SAMMSON: variants seen among roughly 807,000 people sequenced by gnomAD.
The protein encoded by SAMMSON is survival associated mitochondrial melanoma specific oncogenic non-coding RNA.
intron 3 of SAMMSON, among the ~76,000 whole-genome samples, chr3:70,024,085 A>G (rs551586746): frequency 3.9e-5 from 6 of 152,192 alleles, no homozygotes; most frequent in African/African-American, 7.2e-5. Context: ...GGTCTACGCA[A>G]TTCTGCCTGG....
chr3:70,161,641 T>C (rs1044462379), intron 4 of SAMMSON, among the ~76,000 whole-genome samples: 4 of 151,886 alleles, frequency 2.6e-5, no homozygotes, highest in Admixed American at 2.6e-4. Context: ...TTTGATGATG[T>C]ATTTGTTTGA....
chr3:70,044,011 T>C (rs1230717716), intron 3 of SAMMSON, among the ~76,000 whole-genome samples: 1 of 152,112 alleles, frequency 6.6e-6, no homozygotes, highest in Non-Finnish European at 1.5e-5. Context: ...GCAAAATATA[T>C]ATAAATCTTG....
intron 7 of SAMMSON, among the ~76,000 whole-genome samples, chr3:70,318,317 C>G (rs1291180434): frequency 6.6e-6 from 1 of 151,878 alleles, no homozygotes; most frequent in Admixed American, 6.6e-5. Context: ...TCCCCAGTCC[C>G]TTTTCTCTGT....
intron 2 of SAMMSON, among the ~76,000 whole-genome samples, chr3:70,421,727 C>G (rs1283154048): frequency 1.3e-5 from 2 of 152,098 alleles, no homozygotes; most frequent in South Asian, 4.1e-4. Flanking sequence ...TGAAAATTAT[C>G]TTCATCAGTG....
chr3:70,133,527 A>T (rs987204576), intron 4 of SAMMSON, among the ~76,000 whole-genome samples: 2 of 152,152 alleles, frequency 1.3e-5, no homozygotes, highest in Non-Finnish European at 2.9e-5. Context: ...GATTGAGCCC[A>T]AAGGGAGGTT....
At chr3:70,423,690 C>T (rs1701331310) in intron 2 of SAMMSON, among the ~76,000 whole-genome samples, 1 of 152,136 alleles carries the variant, frequency 6.6e-6, no homozygotes. Flanking sequence ...AGTATAGGCT[C>T]AGCTGACCTA....
chr3:70,308,041 T>A (rs531814074), intron 7 of SAMMSON, among the ~76,000 whole-genome samples: 5 of 152,256 alleles, frequency 3.3e-5, no homozygotes, highest in Admixed American at 3.3e-4. Context: ...CAGCTCATCC[T>A]GCCTGGTGCA....
chr3:70,331,958 A>G (rs1575627313), intron 7 of SAMMSON, among the ~76,000 whole-genome samples: 1 of 152,348 alleles, frequency 6.6e-6, no homozygotes, highest in South Asian at 2.1e-4. Flanking sequence ...CTATGTCACT[A>G]CTGTATGTGC....
chr3:70,378,937 A>G, intron 9 of SAMMSON, among the ~76,000 whole-genome samples: 1 of 152,082 alleles, frequency 6.6e-6, no homozygotes, highest in East Asian at 1.9e-4. Flanking sequence ...TCTTTAGGAT[A>G]AGTATAAGTA....
At chr3:70,029,174 G>A (rs60832212) in intron 3 of SAMMSON, among the ~76,000 whole-genome samples, 5,841 of 152,248 alleles carry the variant, frequency 0.038, 332 homozygotes, top group African/African-American at 0.12. Context: ...TCATTGCCCA[G>A]TGCATTGGTT....
chr3:70,165,507 G>A (rs990933425), intron 4 of SAMMSON, among the ~76,000 whole-genome samples: 4 of 151,934 alleles, frequency 2.6e-5, no homozygotes, highest in African/African-American at 9.7e-5. Context: ...AACCGAATAT[G>A]CTGATGCTTT....
At chr3:70,325,551 C>T (rs536293605) in intron 7 of SAMMSON, among the ~76,000 whole-genome samples, 1 of 152,252 alleles carries the variant, frequency 6.6e-6, no homozygotes, top group African/African-American at 2.4e-5. Context: ...TTTATTAGAA[C>T]AGTAATGTAG....
intron 7 of SAMMSON, among the ~76,000 whole-genome samples, chr3:70,330,660 C>T (rs1231158268): frequency 1.3e-5 from 2 of 151,986 alleles, no homozygotes; most frequent in Non-Finnish European, 2.9e-5. Context: ...TGAGTCAGTG[C>T]TGTTGGTTTA....
intron 7 of SAMMSON, among the ~76,000 whole-genome samples, chr3:70,326,984 G>C (rs568288106): frequency 1.1e-4 from 16 of 152,222 alleles, no homozygotes; most frequent in Admixed American, 9.2e-4. Flanking sequence ...TAAGCCTCCT[G>C]AGTAGCTAGG....
intron 6 of SAMMSON, among the ~76,000 whole-genome samples, chr3:70,276,895 G>A (rs1430732406): frequency 6.6e-6 from 1 of 152,044 alleles, no homozygotes; most frequent in African/African-American, 2.4e-5. Flanking sequence ...ACTCCAGAAA[G>A]TTTATGTTCT....
chr3:70,148,353 C>G (rs975715943), intron 4 of SAMMSON, among the ~76,000 whole-genome samples: 1 of 152,046 alleles, frequency 6.6e-6, no homozygotes, highest in Non-Finnish European at 1.5e-5. Flanking sequence ...AATGAAAGTA[C>G]GTTTTGTCAT....
At position 70,354,978 on chromosome 3, in the gene SAMMSON, A is replaced by C. The variant is rs369884011; in HGVS notation, n.842+701A>C. 8.5e-5 allele frequency among the ~76,000 whole-genome samples: 13 copies of C among 152,278 alleles called. No individual in the cohort carries two copies. The East Asian group carries it at 1.5e-3, about 18-fold the overall frequency. On this transcript the variant is annotated intron_variant and non_coding_transcript_variant, in intron 8 of 9. Coordinates refer to ENST00000642114, the Ensembl canonical transcript of SAMMSON. The stretch of plus-strand genomic sequence containing the variant: ...GCTTCTTGGAAGACTAAACTAACTC[A>C]GATTTACCACGACTCAGCAATAGTA...
At chr3:70,070,516 T>G (rs2067225712) in intron 3 of SAMMSON, among the ~76,000 whole-genome samples, 1 of 152,062 alleles carries the variant, frequency 6.6e-6, no homozygotes, top group South Asian at 2.1e-4. Flanking sequence ...TATCTTACTC[T>G]TTTAAAATAA....
chr3:70,255,450 G>C (rs1701807090), intron 6 of SAMMSON, among the ~76,000 whole-genome samples: 2 of 152,092 alleles, frequency 1.3e-5, no homozygotes. Context: ...TTATTTTAGA[G>C]ACAGAATCTT....
Sources: gnomAD v4.1 joint callset for allele counts (sites outside exome capture counted in the v4.1 genomes callset) on GRCh38, gnomAD v4.1.1 for gene constraint, MANE v1.5 for transcripts, NCBI Gene and HGNC (gene_info 2026-07-23, HGNC 2026-07-21) for gene names.